Variants in KHDRBS2 observed in about 807,000 individuals in gnomAD.
KHDRBS2 encodes KH RNA binding domain containing, signal transduction associated 2, also known as KH domain-containing, RNA-binding, signal transduction-associated protein 2.
In KHDRBS2, 26 loss-of-function variants were observed where a neutral mutation model predicts 44.3. The ratio of observed to expected loss-of-function variants is 0.59; its 90% CI spans 0.43 to 0.81. KHDRBS2 has a LOEUF of 0.81. Among genes scored for constraint, KHDRBS2 ranks in the 40% least tolerant of loss-of-function variants. The pLI is 0.00. For synonymous variants in KHDRBS2, 194 were observed against 151.1 expected (o/e 1.28, Z -2.08); for missense variants, 476 against 433.1 (o/e 1.10, Z -0.88).
At chr6:61,602,812 C>T in the KHDRBS2 span, among the ~76,000 whole-genome samples, 1 of 152,124 alleles carries the variant, frequency 6.6e-6, no homozygotes, top group Non-Finnish European at 1.5e-5. Flanking sequence ...TTAGACAATA[C>T]TCTTTTAAGC....
At chr6:62,222,583 T>G (rs1215463105) in intron 1 of KHDRBS2, among the ~76,000 whole-genome samples, 1 of 151,950 alleles carries the variant, frequency 6.6e-6, no homozygotes, top group African/African-American at 2.4e-5. Flanking sequence ...ATTATGGGAG[T>G]ACAATCCAAT....
At chr6:61,688,697 A>G (rs1767066792) in intron 8 of KHDRBS2, among the ~76,000 whole-genome samples, 1 of 151,940 alleles carries the variant, frequency 6.6e-6, no homozygotes, top group South Asian at 2.1e-4. Flanking sequence ...ACAAATGTTA[A>G]TCTTTCTGTA....
chr6:62,034,253 A>G (rs1477536286), intron 3 of KHDRBS2, among the ~76,000 whole-genome samples: 2 of 151,960 alleles, frequency 1.3e-5, no homozygotes, highest in African/African-American at 2.4e-5. Context: ...CCAAACACTT[A>G]AAGAACTAGC....
the KHDRBS2 span, among the ~76,000 whole-genome samples, chr6:61,564,063 A>G: frequency 6.6e-6 from 1 of 152,112 alleles, no homozygotes; most frequent in African/African-American, 2.4e-5. Context: ...TACTGCCACA[A>G]GATCGTCAGT....
Position 61,760,270 on chromosome 6 carries a change from C to A in KHDRBS2, c.811-27506G>T, listed in dbSNP as rs79828619. ...GCAAACAAGTATAGAAACAAAAGAACAAGGCCCCAAATTGTTATTGATACT... is the reference window on the plus strand; with the variant it reads ...GCAAACAAGTATAGAAACAAAAGAAAAAGGCCCCAAATTGTTATTGATACT... On this transcript the variant is annotated intron_variant, in intron 6 of 8. Transcript: ENST00000281156. Among the ~76,000 whole-genome samples the A allele has an allele frequency of 2.2e-3, 331 of 152,244 alleles. 1 individual carries two copies. The highest frequency in any genetic ancestry group is 7.4e-3 in the African/African-American group (308 of 41,566).
the KHDRBS2 span, among the ~76,000 whole-genome samples, chr6:61,622,011 G>T: frequency 6.6e-6 from 1 of 152,180 alleles, no homozygotes; most frequent in Non-Finnish European, 1.5e-5. Flanking sequence ...AATGAGCTTG[G>T]AAGTAGATGT....
chr6:62,000,647 C>T (rs1046788200), intron 3 of KHDRBS2, among the ~76,000 whole-genome samples: 10 of 151,816 alleles, frequency 6.6e-5, no homozygotes, highest in East Asian at 3.9e-4. Flanking sequence ...AAAAAGATGC[C>T]GGAGGTTTCA....
At position 62,177,258 on chromosome 6, in the gene KHDRBS2, T is replaced by C. The variant is rs777596237; in HGVS notation, c.146A>G (p.Tyr49Cys). Reference sequence around the variant, plus strand: ...GTTTTTGTTGCTGATGACATCAAGATACTTCTTTTCTTCGTCTTCCTTTTT... The same window carrying C: ...GTTTTTGTTGCTGATGACATCAAGACACTTCTTTTCTTCGTCTTCCTTTTT... ...DGKKEDEEKKYLDVISNKNIK... is the reference protein window; with the variant it reads ...DGKKEDEEKKCLDVISNKNIK... The change falls in exon 2 of 9, where the codon TAT becomes TGT. Residue 49 changes from tyrosine (Y) to cysteine (C), a missense_variant. Transcript: ENST00000281156. The C allele has an allele frequency of 5.6e-6, 9 of 1,601,128 alleles. No homozygotes were observed. The highest frequency in any genetic ancestry group is 4.3e-6 in the Non-Finnish European group (5 of 1,170,390).
the KHDRBS2 span, among the ~76,000 whole-genome samples, chr6:61,625,310 A>C: frequency 6.7e-6 from 1 of 150,250 alleles, no homozygotes; most frequent in Admixed American, 6.7e-5. Context: ...AATTTCTCTC[A>C]GGGAGAGTGG....
chr6:62,162,542 G>C (rs1334958386), intron 2 of KHDRBS2, among the ~76,000 whole-genome samples: 1 of 152,034 alleles, frequency 6.6e-6, no homozygotes, highest in Non-Finnish European at 1.5e-5. Context: ...GAGATGGATA[G>C]CTACTACTGT....
At chr6:61,902,835 T>C (rs1804309649) in intron 4 of KHDRBS2, among the ~76,000 whole-genome samples, 2 of 151,704 alleles carry the variant, frequency 1.3e-5, no homozygotes, top group South Asian at 4.1e-4. Context: ...CACACACCTC[T>C]GTCTAGAAAA....
chr6:61,889,742 T>C, intron 6 of KHDRBS2, among the ~76,000 whole-genome samples: 1 of 152,200 alleles, frequency 6.6e-6, no homozygotes, highest in South Asian at 2.1e-4. Context: ...TTTCCTCCTC[T>C]GCACGCTCCA....
chr6:62,152,086 G>A (rs1244864405), intron 2 of KHDRBS2, among the ~76,000 whole-genome samples: 1 of 152,140 alleles, frequency 6.6e-6, no homozygotes, highest in African/African-American at 2.4e-5. Flanking sequence ...TTGGGAGTCC[G>A]AGGCGGGAGG....
chr6:62,096,792 G>C (rs538658013), intron 2 of KHDRBS2, among the ~76,000 whole-genome samples: 1 of 151,588 alleles, frequency 6.6e-6, no homozygotes, highest in Non-Finnish European at 1.5e-5. Context: ...AGTTCCTTGA[G>C]CTGCAACATT....
chr6:61,858,230 G>C (rs1486001187), intron 6 of KHDRBS2, among the ~76,000 whole-genome samples: 1 of 148,812 alleles, frequency 6.7e-6, no homozygotes, highest in Non-Finnish European at 1.5e-5. Flanking sequence ...AATATTTTAA[G>C]AATCTCTCAT....
At chr6:61,696,237 T>TTTTATTTATTTA (rs10527202) in intron 8 of KHDRBS2, among the ~76,000 whole-genome samples, 16,162 of 146,014 alleles carry the variant, frequency 0.11, 1,005 homozygotes, top group Non-Finnish European at 0.13. Context: ...CATATATGTA[T>TTTTATTTATTTA]TTTATTTATT....
rs202199294 is a variant in KHDRBS2, at chr6:61,706,958, AC to A, written c.894-9706del. Reference sequence around the variant, plus strand: ...AACAAAAACAAAAACAAAAACAAAAACAAAACAGTTATAAGTGCTAAGGAGA... The same window carrying A: ...AACAAAAACAAAAACAAAAACAAAAAAAAACAGTTATAAGTGCTAAGGAGA... On this transcript the variant is annotated intron_variant, in intron 7 of 8. Transcript: ENST00000281156. 2.3e-3 allele frequency among the ~76,000 whole-genome samples: 328 copies of A among 144,894 alleles called. 3 individuals carry two copies. Among genetic ancestry groups the A allele is most frequent in the African/African-American group, 7.4e-3 (288 of 39,104 alleles).
intron 1 of KHDRBS2, among the ~76,000 whole-genome samples, chr6:62,208,697 A>T (rs1828478106): frequency 6.6e-6 from 1 of 152,150 alleles, no homozygotes; most frequent in Non-Finnish European, 1.5e-5. Context: ...CATTCCTACC[A>T]AGAGTATACT....
At chr6:62,200,149 C>T (rs1826623485) in intron 1 of KHDRBS2, among the ~76,000 whole-genome samples, 1 of 152,130 alleles carries the variant, frequency 6.6e-6, no homozygotes, top group African/African-American at 2.4e-5. Flanking sequence ...CAAACCTAGG[C>T]AATACCACTC....
Sources: gnomAD v4.1 joint callset for allele counts (sites outside exome capture counted in the v4.1 genomes callset) on GRCh38, gnomAD v4.1.1 for gene constraint, MANE v1.5 for transcripts, NCBI Gene and HGNC (gene_info 2026-07-23, HGNC 2026-07-21) for gene names.